ACOT1: variants seen among roughly 807,000 people sequenced by gnomAD.
ACOT1 encodes the protein acyl-CoA thioesterase 1.
Under a neutral mutation model 15.7 loss-of-function variants are expected in ACOT1, and 8 were observed. The observed-to-expected ratio is 0.51, with a 90% confidence interval of 0.30 to 0.92. The LOEUF (loss-of-function observed/expected upper bound fraction) is 0.92, where lower values mean the gene tolerates loss of function less well. Among genes scored for constraint, ACOT1 ranks in the 40% least tolerant of loss-of-function variants. The probability of loss-of-function intolerance (pLI) is 0.06; values close to 1 mark genes in which losing one functional copy is unlikely to be tolerated. For synonymous variants in ACOT1, 67 were observed against 241.2 expected, an observed-to-expected ratio of 0.28 and a Z score of 6.69; for missense variants, 151 against 539.4, an observed-to-expected ratio of 0.28 and a Z score of 7.13.
Position 73,542,682 on chromosome 14 carries a change from A to T in ACOT1, c.661-368A>T, listed in dbSNP as rs560236907. ...CAGCCTCCCAAACTGTTGGGATTAC[A>T]GGCGTCAGCCACCACGCCCGGCCAT... is the stretch of plus-strand genomic sequence containing the variant. On this transcript the variant is annotated intron_variant, in intron 2 of 2. Transcript: ENST00000311148. Among the ~76,000 whole-genome samples, 7 of 112,010 alleles carry T rather than the reference A, an allele frequency of 6.2e-5. 3 individuals are homozygous for T. In the South Asian group the frequency reaches 2.0e-3, roughly 31 times the overall value. The allele number at this position is 112,010 out of a possible 152,430, so 73.5% of individuals were successfully genotyped here.
chr14:73,521,706 T>A, the ACOT1 span, among the ~76,000 whole-genome samples: 1 of 152,226 alleles, frequency 6.6e-6, no homozygotes, highest in Non-Finnish European at 1.5e-5. Flanking sequence ...TCAGGTTGTC[T>A]GGTTCTCTGT....
the ACOT1 span, chr14:73,514,320 T>C: frequency 8.1e-7 from 1 of 1,227,866 alleles, no homozygotes. Flanking sequence ...CCCATTCCTA[T>C]TCCTGACTAA....
At chr14:73,516,363 A>G in the ACOT1 span, among the ~76,000 whole-genome samples, 1 of 85,438 alleles carries the variant, frequency 1.2e-5, no homozygotes, top group Non-Finnish European at 2.1e-5. Context: ...ACACTTTGCC[A>G]TGTGACGCTC....
At chr14:73,494,297 G>C in the ACOT1 span, among the ~76,000 whole-genome samples, 1 of 152,208 alleles carries the variant, frequency 6.6e-6, no homozygotes, top group Non-Finnish European at 1.5e-5. Context: ...TGAGTGACCT[G>C]AGGCTGATGC....
chr14:73,518,934 G>GA, the ACOT1 span: 1 of 1,323,260 alleles, frequency 7.6e-7, no homozygotes, highest in East Asian at 2.4e-5. Context: ...CATGAACTGG[G>GA]AGCTCTAGCA....
the ACOT1 span, chr14:73,523,317 G>A: frequency 9.6e-6 from 6 of 626,926 alleles, no homozygotes; most frequent in Admixed American, 3.0e-5. Flanking sequence ...TTGAAAAACA[G>A]ATGGAAAGGG....
At chr14:73,513,790 T>C in the ACOT1 span, among the ~76,000 whole-genome samples, 1 of 105,654 alleles carries the variant, frequency 9.5e-6, no homozygotes, top group East Asian at 3.0e-4. Flanking sequence ...TGCAGTGTAA[T>C]AATGAGTTTC....
At chr14:73,501,356 A>G in the ACOT1 span, among the ~76,000 whole-genome samples, 1 of 151,626 alleles carries the variant, frequency 6.6e-6, no homozygotes, top group East Asian at 1.9e-4. Flanking sequence ...TGATCTCCTG[A>G]CCTCGTGATC....
At chr14:73,514,736 T>G in the ACOT1 span, among the ~76,000 whole-genome samples, 1 of 152,132 alleles carries the variant, frequency 6.6e-6, no homozygotes, top group Non-Finnish European at 1.5e-5. Flanking sequence ...AACAGAAATT[T>G]GAGAACAGAA....
At chr14:73,512,965 A>G in the ACOT1 span, among the ~76,000 whole-genome samples, 2 of 152,212 alleles carry the variant, frequency 1.3e-5, no homozygotes, top group South Asian at 4.1e-4. Context: ...TTGCCAGGCC[A>G]TTACTTTGTC....
At chr14:73,505,890 CTTTTT>C in the ACOT1 span, among the ~76,000 whole-genome samples, 5 of 113,338 alleles carry the variant, frequency 4.4e-5, no homozygotes, top group South Asian at 1.1e-3. Flanking sequence ...ATAAACGTTT[CTTTTT>C]TTTTTTTTTT....
chr14:73,492,529 C>T, the ACOT1 span: 1 of 1,613,620 alleles, frequency 6.2e-7, no homozygotes, highest in African/African-American at 1.3e-5. The surrounding 1 kb of genome is among the most constrained non-coding windows in gnomAD (Gnocchi z 4.9). Flanking sequence ...GAGCCAAAGA[C>T]TTCATTCACG....
chr14:73,521,037 A>G, the ACOT1 span: 1 of 1,613,030 alleles, frequency 6.2e-7, no homozygotes, highest in East Asian at 2.2e-5. Flanking sequence ...GTAACTGGGC[A>G]ATCTTGGCAG....
At chr14:73,526,695 G>T in the ACOT1 span, among the ~76,000 whole-genome samples, 1 of 152,224 alleles carries the variant, frequency 6.6e-6, no homozygotes, top group Admixed American at 6.5e-5. Flanking sequence ...TGCGCCAGAA[G>T]GGAATCCACT....
the ACOT1 span, among the ~76,000 whole-genome samples, chr14:73,523,800 G>A: frequency 6.6e-6 from 1 of 152,054 alleles, no homozygotes; most frequent in Non-Finnish European, 1.5e-5. Context: ...GACCTATCCA[G>A]GCCACCAGGT....
the ACOT1 span, among the ~76,000 whole-genome samples, chr14:73,526,796 C>T: frequency 3.3e-5 from 5 of 152,276 alleles, no homozygotes; most frequent in Non-Finnish European, 5.9e-5. Flanking sequence ...GGTAGCTAAG[C>T]AGTTCTGGCC....
chr14:73,508,481 G>A, the ACOT1 span, among the ~76,000 whole-genome samples: 1 of 152,074 alleles, frequency 6.6e-6, no homozygotes, highest in Non-Finnish European at 1.5e-5. Flanking sequence ...GGGCACGGTG[G>A]CTAACACCTG....
chr14:73,514,154 TCTCACCCA>T, the ACOT1 span: 16 of 1,614,040 alleles, frequency 9.9e-6, no homozygotes, highest in Non-Finnish European at 5.1e-6. Context: ...GGCACATCCT[TCTCACCCA>T]CCTGCAGCAG....
the ACOT1 span, chr14:73,502,794 A>G: frequency 4.9e-6 from 4 of 813,100 alleles, no homozygotes; most frequent in South Asian, 1.4e-5. Context: ...TGATCCGCCC[A>G]CCCCGTCTTC....
Sources: gnomAD v4.1 joint callset for allele counts (sites outside exome capture counted in the v4.1 genomes callset) on GRCh38, gnomAD v4.1.1 for gene constraint, Gnocchi (gnomAD v3.1) non-coding constraint, MANE v1.5 for transcripts, NCBI Gene and HGNC (gene_info 2026-07-23, HGNC 2026-07-21) for gene names.